The following SLC16A6 variants were observed in gnomAD, a reference collection of about 807,000 sequenced individuals.
SLC16A6 encodes the protein monocarboxylate transporter 7.
A neutral mutation model predicts 33.8 loss-of-function variants in SLC16A6; 15 were observed. That is an observed-to-expected ratio of 0.44 (90% confidence interval 0.30 to 0.68). The LOEUF is 0.68. Ranked by LOEUF, SLC16A6 falls within the 30% of genes least tolerant of loss-of-function variation. SLC16A6 has a pLI of 0.10. For missense variants in SLC16A6, 451 were observed against 661.5 expected, an observed-to-expected ratio of 0.68 and a Z score of 3.49; for synonymous variants, 219 against 248.4, an observed-to-expected ratio of 0.88 and a Z score of 1.11.
At chr17:68,285,086 T>A (rs1325410167) in intron 1 of SLC16A6, among the ~76,000 whole-genome samples, 1 of 152,194 alleles carries the variant, frequency 6.6e-6, no homozygotes, top group Non-Finnish European at 1.5e-5. Context: ...TTGCTGATGA[T>A]GATGCTAAGG....
rs1555751608 is a variant in SLC16A6 at position 68,278,161 on chromosome 17, C to A, written c.160G>T (p.Asp54Tyr). Residue 54 changes from aspartate to tyrosine, a missense_variant, in exon 2 of 6, where the codon GAC becomes TAC. This residue lies in a region of SLC16A6 where 405 missense variants were observed against 510.7 expected (regional missense o/e 0.79). Coordinates refer to ENST00000580666, the MANE Select transcript of SLC16A6 (RefSeq NM_004694.5). ...CTGCTATTGGATTCATTAAAACTGT[C>A]CATTAAGTCATTAAAGAAGACACCA... ...TFGVFFNDLM[D>Y]SFNESNSRIS... The A allele has an allele frequency of 1.2e-6, 2 of 1,614,132 alleles. No homozygotes were observed. The highest frequency in any genetic ancestry group is 2.2e-5 in the South Asian group (2 of 91,082).
In SLC16A6 at chr17:68,272,940, G is replaced by A. The variant is rs530730269; in HGVS notation, c.377-173C>T. Among the ~76,000 whole-genome samples the A allele has an allele frequency of 4.6e-5, 7 of 151,996 alleles. No individual in the cohort carries two copies. The South Asian group carries it at 1.5e-3, about 32-fold the overall frequency. On this transcript the variant is annotated intron_variant, in intron 3 of 5. Coordinates refer to ENST00000580666, the MANE Select transcript of SLC16A6 (RefSeq NM_004694.5). ...GCAAAGAAAAATGGGTTTCATTAAC[G>A]GTCTGGATAAACTTCAGTGGTTGTT... is the stretch of plus-strand genomic sequence containing the variant.
At chr17:68,272,184 C>A (rs781904436) in intron 4 of SLC16A6, among the ~76,000 whole-genome samples, 16 of 152,132 alleles carry the variant, frequency 1.1e-4, no homozygotes, top group Non-Finnish European at 2.4e-4. Flanking sequence ...GTGATCCGCC[C>A]ACCTCAGCCT....
Position 68,268,830 on chromosome 17 carries a change from G to T in SLC16A6, c.*266C>A. The T allele has an allele frequency of 2.1e-6, 1 of 476,096 alleles. No individual in the cohort carries two copies. The allele number at this position is 476,096 out of a possible 1,614,324, so 29.5% of individuals were successfully genotyped here. A position where few individuals can be genotyped will look rare whatever the true frequency, so the allele number is the denominator to read the frequency against. On this transcript the variant is annotated 3_prime_UTR_variant, in exon 6 of 6. Transcript: ENST00000580666. ...AGTCTTTCTACATATCTCTTGTATT[G>T]CTACTGAATACAGCCAGATTTATAT...
At chr17:68,283,708 C>T (rs1555753583) in intron 1 of SLC16A6, among the ~76,000 whole-genome samples, 1 of 149,876 alleles carries the variant, frequency 6.7e-6, no homozygotes, top group African/African-American at 2.5e-5. Context: ...AACCCTGTCT[C>T]TACTAAAAAA....
chr17:68,277,239 C>T (rs2075553246), intron 2 of SLC16A6, among the ~76,000 whole-genome samples: 1 of 151,764 alleles, frequency 6.6e-6, no homozygotes, highest in Non-Finnish European at 1.5e-5. Context: ...TCACACGATT[C>T]TCCTACCTCA....
At chr17:68,278,603 GT>G (rs2075598725) in intron 1 of SLC16A6, among the ~76,000 whole-genome samples, 1 of 139,594 alleles carries the variant, frequency 7.2e-6, no homozygotes, top group Admixed American at 7.4e-5. Flanking sequence ...GCCAGCTAAT[GT>G]TTTTTCTTTT....
At position 68,271,090 on chromosome 17, in the gene SLC16A6, C is replaced by T. The variant is rs782309662; in HGVS notation, c.1070G>A (p.Arg357His). The T allele has an allele frequency of 5.0e-6, 8 of 1,614,126 alleles. No individual in the cohort carries two copies. Among genetic ancestry groups the T allele is most frequent in the South Asian group, 1.1e-5 (1 of 91,074 alleles). The change falls in exon 5 of 6, where the codon CGT becomes CAT. Residue 357 changes from arginine to histidine, a missense_variant. Transcript: ENST00000580666. The surrounding 1 kb of genome is among the most constrained non-coding windows in gnomAD (Gnocchi z 5.3). Reference sequence around the variant, plus strand: ...GCAGATGAGCTCAATGTAAATCTTACGAATGGGCTCCCTGTTGAGGACAAA... The same window carrying T: ...GCAGATGAGCTCAATGTAAATCTTATGAATGGGCTCCCTGTTGAGGACAAA... ...AGFVLNREPI[R>H]KIYIELICVI...
intron 1 of SLC16A6, chr17:68,282,921 C>T (rs1346243117): frequency 6.6e-6 from 1 of 150,834 alleles, no homozygotes; most frequent in Non-Finnish European, 1.5e-5. Flanking sequence ...GCACTCCAGC[C>T]CGGGTGACAG....
At chr17:68,272,446 A>G (rs1175002606) in intron 4 of SLC16A6, among the ~76,000 whole-genome samples, 193 bp downstream of exon 4, 2 of 152,240 alleles carry the variant, frequency 1.3e-5, no homozygotes, top group East Asian at 3.8e-4. Flanking sequence ...CCTATTATTA[A>G]GGTGGTCTGA....
chr17:68,273,099 C>A (rs1460729490), intron 3 of SLC16A6, among the ~76,000 whole-genome samples: 4 of 151,466 alleles, frequency 2.6e-5, no homozygotes, highest in Non-Finnish European at 5.9e-5. Flanking sequence ...AGAAATAAGT[C>A]ATTTCATATG....
At position 68,271,418 on chromosome 17, in the gene SLC16A6, G is replaced by A; in HGVS notation, c.742C>T (p.Pro248Ser). The A allele has an allele frequency of 1.2e-6, 2 of 1,614,224 alleles. No homozygotes were observed. Among genetic ancestry groups the A allele is most frequent in the Non-Finnish European group, 1.7e-6 (2 of 1,180,048 alleles). ...IDSGVELTTSPKNVPTHTNLE... is the reference protein window; with the variant it reads ...IDSGVELTTSSKNVPTHTNLE... ...TTAGTGTGAGTAGGCACATTTTTAGGTGAGGTAGTTAGTTCTACTCCTGAG... is the reference window on the plus strand; with the variant it reads ...TTAGTGTGAGTAGGCACATTTTTAGATGAGGTAGTTAGTTCTACTCCTGAG... Residue 248 changes from proline (P) to serine (S), a missense_variant, in exon 5 of 6, where the codon CCT becomes TCT. Around this residue, in one of 2 missense-constraint regions of SLC16A6, gnomAD observed 405 missense variants for 510.7 expected, o/e 0.79. Coordinates refer to ENST00000580666, the MANE Select transcript of SLC16A6 (RefSeq NM_004694.5). The surrounding 1 kb of genome is among the most constrained non-coding windows in gnomAD (Gnocchi z 5.3).
At position 68,272,642 on chromosome 17, in the gene SLC16A6, G is replaced by A. The variant is rs781878832; in HGVS notation, c.502C>T (p.Pro168Ser). The A allele has an allele frequency of 5.6e-6, 9 of 1,613,794 alleles. No individual in the cohort carries two copies. Among genetic ancestry groups the A allele is most frequent in the Non-Finnish European group, 7.6e-6 (9 of 1,179,824 alleles). ...TAGGCTGTTGTAGTCCACCTACCTG[G>A]TGCGAAAGCAAACACAGCGAAACAT... ...GECFAVFAFA[P>S]AIMALKERIG... The change falls in exon 4 of 6, where the codon CCA becomes TCA. Residue 168 changes from proline to serine, a missense_variant. By Grantham distance (74) the Pro-to-Ser change is moderately conservative. Around this residue, in one of 2 missense-constraint regions of SLC16A6, gnomAD observed 405 missense variants for 510.7 expected, o/e 0.79. Coordinates refer to ENST00000580666, the MANE Select transcript of SLC16A6 (RefSeq NM_004694.5).
At chr17:68,279,303 C>T (rs1314481001) in intron 1 of SLC16A6, among the ~76,000 whole-genome samples, 12 of 151,926 alleles carry the variant, frequency 7.9e-5, no homozygotes, top group Admixed American at 5.3e-4. Context: ...CCCTGGCCAC[C>T]GCGATCACCT....
In SLC16A6 at chr17:68,291,127, T is replaced by G. The variant is rs2075970017; in HGVS notation, c.-49A>C. On this transcript the variant is annotated 5_prime_UTR_variant, in exon 1 of 6. Coordinates refer to ENST00000580666, the MANE Select transcript of SLC16A6 (RefSeq NM_004694.5). The stretch of plus-strand genomic sequence containing the variant: ...AGAATAAACCCCCAAAGGCTCCCAA[T>G]AAGGCGGAGGCTTGGCCTCCCCCTC... The G allele has an allele frequency of 6.6e-6, 1 of 152,128 alleles. No homozygotes were observed. Among genetic ancestry groups the G allele is most frequent in the Non-Finnish European group, 1.5e-5 (1 of 68,030 alleles). 9.4% of individuals were successfully genotyped at this position (152,128 alleles called of 1,614,324 possible). A position where few individuals can be genotyped will look rare whatever the true frequency, so the allele number is the denominator to read the frequency against.
rs543960437 is a variant in SLC16A6 at position 68,275,955 on chromosome 17, C to A, written c.233-1885G>T. On this transcript the variant is annotated intron_variant, in intron 2 of 5. Coordinates refer to ENST00000580666, the MANE Select transcript of SLC16A6 (RefSeq NM_004694.5). ...CTGAGACCGCACCACTGCACTCCAGCCTAGGCAACAAAGCGAGACTCCGTC... is the reference window on the plus strand; with the variant it reads ...CTGAGACCGCACCACTGCACTCCAGACTAGGCAACAAAGCGAGACTCCGTC... 2.6e-5 allele frequency among the ~76,000 whole-genome samples: 4 copies of A among 150,996 alleles called. No homozygotes were observed. The South Asian group carries it at 8.4e-4, about 32-fold the overall frequency.
At chr17:68,280,850 A>G (rs1054990982) in intron 1 of SLC16A6, among the ~76,000 whole-genome samples, 4 of 152,178 alleles carry the variant, frequency 2.6e-5, no homozygotes, top group Non-Finnish European at 5.9e-5. Context: ...GTGAGGCCAG[A>G]TGTAGTGTGT....
At chr17:68,288,352 C>T (rs1292640237) in intron 1 of SLC16A6, among the ~76,000 whole-genome samples, 1 of 152,202 alleles carries the variant, frequency 6.6e-6, no homozygotes, top group Non-Finnish European at 1.5e-5. Context: ...CCTTCTGTCT[C>T]TGCAAACAAA....
rs781877065 is a variant in SLC16A6, at chr17:68,274,050, T to A, written c.253A>T (p.Ser85Cys). The change falls in exon 3 of 6, where the codon AGC (serine) becomes TGC (cysteine). Residue 85 changes from serine (S) to cysteine (C), a missense_variant. Physicochemically the swap from Ser to Cys is moderately radical, Grantham distance 112 (BLOSUM62 -1). Around this residue, in one of 2 missense-constraint regions of SLC16A6, gnomAD observed 405 missense variants for 510.7 expected, o/e 0.79. Transcript: ENST00000580666. ...ACCAGACGGTGTCCGAAACGATTGC[T>A]CAGGACTGTGGCGAGGGGAGCTGCC... ...TFSAPLATVL[S>C]NRFGHRLVVM... is the part of the protein sequence containing the mutation. 20 of 1,614,036 alleles carry A rather than the reference T, an allele frequency of 1.2e-5. No homozygotes were observed. In the South Asian group the frequency reaches 2.1e-4, roughly 17 times the overall value.
Sources: gnomAD v4.1 joint callset for allele counts (sites outside exome capture counted in the v4.1 genomes callset) on GRCh38, gnomAD v4.1.1 for gene constraint, gnomAD v4.1.1 regional missense constraint, Gnocchi (gnomAD v3.1) non-coding constraint, MANE v1.5 for transcripts, NCBI Gene and HGNC (gene_info 2026-07-23, HGNC 2026-07-21) for gene names.